The following MTCH2 variants were observed in gnomAD, a reference collection of about 807,000 sequenced individuals.
MTCH2 encodes the protein mitochondrial carrier homolog 2.
A neutral mutation model predicts 50.6 loss-of-function variants in MTCH2; 25 were observed. The observed-to-expected ratio is 0.49, with a 90% CI of 0.36 to 0.69. The LOEUF is 0.69. Among genes scored for constraint, MTCH2 ranks in the 30% least tolerant of loss-of-function variants. The pLI, the probability that MTCH2 is intolerant of heterozygous loss-of-function variation, is 0.00. For synonymous variants in MTCH2, 106 were observed against 132.0 expected (o/e 0.80, Z 1.35); for missense variants, 273 against 384.4 (o/e 0.71, Z 2.42).
chr11:47,631,061 A>G lies in MTCH2; in HGVS notation c.454T>C (p.Phe152Leu), dbSNP rs1321931605. Residue 152 changes from phenylalanine (F) to leucine (L), a missense_variant, in exon 7 of 13, where the codon TTC (phenylalanine) becomes CTC (leucine). By Grantham distance (22) the Phe-to-Leu change is conservative. Transcript: ENST00000302503. The stretch of plus-strand genomic sequence containing the variant: ...CAGTACTTGGATTCTCTGCCAATGA[A>G]CTGTACCATAGATCTCAGAGTGATC... Reference protein sequence around the residue: ...HVITLRSMVQFIGRESKYCGL... With the variant: ...HVITLRSMVQLIGRESKYCGL... The G allele has an allele frequency of 6.2e-7, 1 of 1,613,218 alleles. No homozygotes were observed. Among genetic ancestry groups the G allele is most frequent in the South Asian group, 1.1e-5 (1 of 91,046 alleles).
At chr11:47,616,062 G>A (rs545155096), downstream of MTCH2, among the ~76,000 whole-genome samples, 3 of 152,190 alleles carry the variant, frequency 2.0e-5, no homozygotes, top group Non-Finnish European at 2.9e-5. Flanking sequence ...GGGTTCAAGC[G>A]ATTCTCATGC....
At chr11:47,630,520 A>G (rs191034057) in intron 8 of MTCH2, 35 bp downstream of exon 8, 53 of 1,547,262 alleles carry the variant, frequency 3.4e-5, no homozygotes, top group Non-Finnish European at 4.5e-5. Context: ...TTTCCCACTC[A>G]TGCAAAAATT....
At position 47,622,701 on chromosome 11, in the gene MTCH2, C is replaced by T. The variant is rs1173765891; in HGVS notation, c.825G>A (p.Glu275=). 1 of 1,580,904 alleles carries T rather than the reference C, an allele frequency of 6.3e-7. No individual in the cohort carries two copies. The highest frequency in any genetic ancestry group is 8.6e-7 in the Non-Finnish European group (1 of 1,162,718). ...WIDCWCMLQK[E]GNMSRGNSLF... ...GAGAGAGACAGAGAAAAAGAAATAC[C>T]TCTTTTTGTAGCATGCACCAACAGT... Residue 275 remains glutamate, a splice_region_variant and synonymous_variant, in exon 12 of 13, where the codon GAG becomes GAA. Coordinates refer to ENST00000302503, the MANE Select transcript of MTCH2 (RefSeq NM_014342.4).
intron 10 of MTCH2, 68 bp from the exon 11 acceptor site, chr11:47,625,809 T>TAAAGG: frequency 1.5e-6 from 2 of 1,326,300 alleles, no homozygotes; most frequent in South Asian, 1.2e-5. Context: ...TCCTTTACCT[T>TAAAGG]AAAGGCCTAG....
intron 5 of MTCH2, among the ~76,000 whole-genome samples, chr11:47,634,234 C>A (rs1429259291): frequency 1.3e-5 from 2 of 152,136 alleles, no homozygotes; most frequent in Non-Finnish European, 2.9e-5. Context: ...TGCCACCACA[C>A]ACCTAGCTAA....
chr11:47,610,471 G>A, the MTCH2 span, among the ~76,000 whole-genome samples: 9 of 152,204 alleles, frequency 5.9e-5, no homozygotes, highest in East Asian at 3.9e-4. Flanking sequence ...TTGGGAGGCC[G>A]AGGAGGGTGG....
intron 3 of MTCH2, among the ~76,000 whole-genome samples, chr11:47,635,984 G>A (rs552745148): frequency 5.3e-5 from 8 of 151,752 alleles, no homozygotes; most frequent in South Asian, 2.1e-4. Context: ...AAAAATTAGC[G>A]GAGCATTGGG....
chr11:47,629,871 T>G (rs1318642125), intron 8 of MTCH2, among the ~76,000 whole-genome samples: 2 of 152,042 alleles, frequency 1.3e-5, no homozygotes, highest in Non-Finnish European at 2.9e-5. Flanking sequence ...AAACTTACTC[T>G]TTTACGGTAA....
chr11:47,631,768 T>C, intron 5 of MTCH2, 57 bp from the exon 6 acceptor site: 1 of 1,569,744 alleles, frequency 6.4e-7, no homozygotes, highest in South Asian at 1.1e-5. Flanking sequence ...CAAATGCCTG[T>C]GAGAAGGAAT....
At chr11:47,627,797 A>G (rs1169226804) in intron 9 of MTCH2, among the ~76,000 whole-genome samples, 1 of 152,036 alleles carries the variant, frequency 6.6e-6, no homozygotes, top group African/African-American at 2.4e-5. Flanking sequence ...TCTAAAACTA[A>G]TTTTGAGGAC....
chr11:47,611,284 C>G, the MTCH2 span, among the ~76,000 whole-genome samples: 1 of 152,196 alleles, frequency 6.6e-6, no homozygotes, highest in African/African-American at 2.4e-5. Flanking sequence ...GCATGAGATT[C>G]CAGCAAAAAG....
chr11:47,632,533 G>A (rs972818622), intron 5 of MTCH2, among the ~76,000 whole-genome samples: 2 of 150,790 alleles, frequency 1.3e-5, no homozygotes, highest in African/African-American at 4.9e-5. Context: ...TTTTTTCTTT[G>A]TATTTTTTAG....
intron 1 of MTCH2, among the ~76,000 whole-genome samples, chr11:47,641,129 C>T (rs530949442): frequency 1.3e-5 from 2 of 152,036 alleles, no homozygotes; most frequent in Non-Finnish European, 2.9e-5. Context: ...ACATCGACCT[C>T]GTGATCCGCT....
chr11:47,608,871 T>C, the MTCH2 span, among the ~76,000 whole-genome samples: 1 of 145,554 alleles, frequency 6.9e-6, no homozygotes, highest in Admixed American at 7.2e-5. Context: ...GGCAGGAGAA[T>C]GGCGTGAACC....
chr11:47,641,606 T>C (rs948003285), intron 1 of MTCH2, among the ~76,000 whole-genome samples: 4 of 152,242 alleles, frequency 2.6e-5, no homozygotes, highest in Non-Finnish European at 4.4e-5. Context: ...TATCACTTAC[T>C]TGGCCTACCT....
downstream of MTCH2, among the ~76,000 whole-genome samples, chr11:47,616,288 T>C (rs2097288367): frequency 6.6e-6 from 1 of 152,180 alleles, no homozygotes; most frequent in African/African-American, 2.4e-5. Flanking sequence ...AGGAACAGTT[T>C]GTGGCAACTT....
At chr11:47,637,937 C>T (rs1042976272) in intron 3 of MTCH2, among the ~76,000 whole-genome samples, 5 of 152,090 alleles carry the variant, frequency 3.3e-5, no homozygotes, top group African/African-American at 1.2e-4. Flanking sequence ...TTCTACATTT[C>T]CTGAATTTCA....
intron 5 of MTCH2, among the ~76,000 whole-genome samples, chr11:47,633,054 A>G (rs978367091): frequency 2.0e-5 from 3 of 150,592 alleles, no homozygotes; most frequent in African/African-American, 7.3e-5. Context: ...ATAAGATCCT[A>G]TGGGACTGGA....
intron 5 of MTCH2, among the ~76,000 whole-genome samples, chr11:47,633,113 G>GC (rs2097304735): frequency 1.8e-5 from 1 of 56,022 alleles, no homozygotes; most frequent in Non-Finnish European, 3.2e-5. Flanking sequence ...ATGTATCCCT[G>GC]CTTTTTTTTT....
Sources: gnomAD v4.1 joint callset for allele counts (sites outside exome capture counted in the v4.1 genomes callset) on GRCh38, gnomAD v4.1.1 for gene constraint, MANE v1.5 for transcripts, NCBI Gene and HGNC (gene_info 2026-07-23, HGNC 2026-07-21) for gene names.